FNDC3B: variants seen among roughly 807,000 people sequenced by gnomAD.
FNDC3B encodes fibronectin type III domain containing 3B.
A neutral mutation model predicts 151.5 loss-of-function variants in FNDC3B; 12 were observed. The ratio of observed to expected loss-of-function variants is 0.08; its 90% CI spans 0.05 to 0.13. FNDC3B has a LOEUF of 0.13. Ranked by LOEUF, FNDC3B falls within the 10% of genes least tolerant of loss-of-function variation. The pLI, the probability that FNDC3B is intolerant of heterozygous loss-of-function variation, is 1.00. For missense variants in FNDC3B, 1,214 were observed against 1,505.3 expected (o/e 0.81, Z 3.20); for synonymous variants, 528 against 549.0 (o/e 0.96, Z 0.54).
Position 172,399,259 on chromosome 3 carries a change from A to G in FNDC3B, c.*1784A>G, listed in dbSNP as rs1321271258. The G allele has an allele frequency of 4.6e-5, 7 of 152,506 alleles. No homozygotes were observed. The highest frequency in any genetic ancestry group is 2.1e-4 in the South Asian group (1 of 4,834). 9.4% of individuals were successfully genotyped at this position (152,506 alleles called of 1,614,324 possible). On this transcript the variant is annotated 3_prime_UTR_variant, in exon 26 of 26. Coordinates refer to ENST00000415807, the MANE Select transcript of FNDC3B (RefSeq NM_022763.4). ...TTATGTACTAATTTTCCCTTGTAGCATGTTATATTTTTGTGTTTTATACTT... is the reference window on the plus strand; with the variant it reads ...TTATGTACTAATTTTCCCTTGTAGCGTGTTATATTTTTGTGTTTTATACTT...
intron 1 of FNDC3B, among the ~76,000 whole-genome samples, chr3:172,109,368 G>A (rs368057184): frequency 5.3e-5 from 8 of 151,954 alleles, no homozygotes; most frequent in African/African-American, 1.2e-4. Context: ...GGGTTTCACC[G>A]TTTTAGCCGG....
At chr3:172,268,431 A>G (rs915406535) in intron 6 of FNDC3B, among the ~76,000 whole-genome samples, 3 of 152,224 alleles carry the variant, frequency 2.0e-5, no homozygotes, top group Non-Finnish European at 4.4e-5. Context: ...AAGAAATAAT[A>G]CCAAGAAGTG....
chr3:172,370,899 A>C (rs1241707846), intron 23 of FNDC3B, among the ~76,000 whole-genome samples: 1 of 152,220 alleles, frequency 6.6e-6, no homozygotes, highest in Non-Finnish European at 1.5e-5. Context: ...TATTATCAGC[A>C]TCGTCCACCA....
At chr3:172,188,566 C>T (rs1001291985) in intron 3 of FNDC3B, among the ~76,000 whole-genome samples, 3 of 152,026 alleles carry the variant, frequency 2.0e-5, no homozygotes, top group South Asian at 2.1e-4. Context: ...CCACCACGCC[C>T]GGCTAATTTT....
chr3:172,062,835 A>G (rs1717282759), intron 1 of FNDC3B, among the ~76,000 whole-genome samples: 1 of 152,192 alleles, frequency 6.6e-6, no homozygotes, highest in South Asian at 2.1e-4. Context: ...TCACTGAGAA[A>G]AAGTTAATCT....
At chr3:172,304,991 T>C (rs1328809117) in intron 9 of FNDC3B, among the ~76,000 whole-genome samples, 1 of 152,170 alleles carries the variant, frequency 6.6e-6, no homozygotes, top group African/African-American at 2.4e-5. Flanking sequence ...TCCAGATATT[T>C]TTCAGTGAAG....
intron 3 of FNDC3B, among the ~76,000 whole-genome samples, chr3:172,146,589 A>G (rs1279207824): frequency 1.3e-5 from 2 of 152,196 alleles, no homozygotes; most frequent in Non-Finnish European, 2.9e-5. Context: ...CGTAACCCTC[A>G]GGACAGCTCA....
At chr3:172,128,924 TG>T (rs1478720124) in intron 2 of FNDC3B, among the ~76,000 whole-genome samples, 2 of 152,222 alleles carry the variant, frequency 1.3e-5, no homozygotes, top group Non-Finnish European at 2.9e-5. Context: ...TTAAAAATGC[TG>T]CAAGTGTACT....
At chr3:172,108,653 G>A (rs184926439) in intron 1 of FNDC3B, among the ~76,000 whole-genome samples, 6 of 152,314 alleles carry the variant, frequency 3.9e-5, no homozygotes, top group African/African-American at 1.4e-4. Context: ...CTCCTGGCCT[G>A]ACTTAACCTG....
At chr3:172,332,375 A>G (rs1056878338) in intron 13 of FNDC3B, among the ~76,000 whole-genome samples, 3 of 152,214 alleles carry the variant, frequency 2.0e-5, no homozygotes, top group Admixed American at 2.0e-4. Context: ...CCACCACTGT[A>G]TCCTCCTACC....
intron 1 of FNDC3B, among the ~76,000 whole-genome samples, chr3:172,108,558 C>T (rs1196541842): frequency 1.3e-5 from 2 of 152,226 alleles, no homozygotes; most frequent in African/African-American, 2.4e-5. Flanking sequence ...AGTTTTGTCT[C>T]AGTTACTGGT....
intron 1 of FNDC3B, among the ~76,000 whole-genome samples, chr3:172,081,920 A>G (rs987333004): frequency 2.6e-5 from 4 of 152,200 alleles, no homozygotes; most frequent in African/African-American, 9.6e-5. Context: ...CTCTTGTTTT[A>G]TATTATCTGG....
chr3:172,151,651 G>A (rs973391570), intron 3 of FNDC3B, among the ~76,000 whole-genome samples: 1 of 152,156 alleles, frequency 6.6e-6, no homozygotes, highest in African/African-American at 2.4e-5. Context: ...AGATTAGTAG[G>A]TGATTTTTCT....
At chr3:172,211,167 CAT>C (rs149687932) in intron 3 of FNDC3B, among the ~76,000 whole-genome samples, 202 of 151,366 alleles carry the variant, frequency 1.3e-3, no homozygotes, top group Non-Finnish European at 2.1e-3. Flanking sequence ...TGACTCATAA[CAT>C]AAATGTAAAA....
intron 3 of FNDC3B, among the ~76,000 whole-genome samples, chr3:172,217,419 C>A (rs1469744221): frequency 6.6e-6 from 1 of 152,152 alleles, no homozygotes; most frequent in Non-Finnish European, 1.5e-5. Flanking sequence ...ATATTCTTCC[C>A]CCACCCACTC....
chr3:172,231,019 CATT>C (rs1726861428), intron 4 of FNDC3B, among the ~76,000 whole-genome samples: 1 of 152,132 alleles, frequency 6.6e-6, no homozygotes, highest in Non-Finnish European at 1.5e-5. Flanking sequence ...TTCATAGGAG[CATT>C]ATTCATAATA....
At chr3:172,375,789 C>T (rs1032098917) in intron 23 of FNDC3B, among the ~76,000 whole-genome samples, 4 of 152,122 alleles carry the variant, frequency 2.6e-5, no homozygotes, top group Non-Finnish European at 4.4e-5. Context: ...AGAACCACCC[C>T]TTTCCCTCCT....
rs1736566794 is a variant in FNDC3B at position 172,401,255 on chromosome 3, T to G, written c.*3780T>G. On this transcript the variant is annotated 3_prime_UTR_variant, in exon 26 of 26. Coordinates refer to ENST00000415807, the MANE Select transcript of FNDC3B (RefSeq NM_022763.4). ...TTTAAATACTTAAAGCACATTCAGA[T>G]TAGTTGAAAATTCACGTGTTTTTGG... The G allele has an allele frequency of 6.6e-6, 1 of 152,154 alleles. No homozygotes were observed. Among genetic ancestry groups the G allele is most frequent in the African/African-American group, 2.4e-5 (1 of 41,432 alleles). The allele number at this position is 152,154 out of a possible 1,614,324, so 9.4% of individuals were successfully genotyped here.
At chr3:172,113,769 T>C (rs1203020566) in intron 2 of FNDC3B, among the ~76,000 whole-genome samples, 1 of 152,200 alleles carries the variant, frequency 6.6e-6, no homozygotes, top group African/African-American at 2.4e-5. Context: ...TTCCAGTTGC[T>C]ACCTTCTGTC....
Sources: allele counts gnomAD v4.1 joint callset (sites outside exome capture counted in the v4.1 genomes callset), GRCh38; gene constraint gnomAD v4.1.1; transcripts MANE v1.5; gene names NCBI Gene and HGNC (gene_info 2026-07-23, HGNC 2026-07-21).